Variants in CADM2 observed in about 807,000 individuals in gnomAD.
CADM2 encodes the protein immunoglobulin superfamily member 4D.
A neutral mutation model predicts 49.8 loss-of-function variants in CADM2; 12 were observed. That is an observed-to-expected ratio of 0.24 (90% CI 0.15 to 0.39). The LOEUF is 0.39. Among genes scored for constraint, CADM2 ranks in the 10% least tolerant of loss-of-function variants. CADM2 has a pLI of 1.00. For synonymous variants in CADM2, 214 were observed against 175.4 expected (o/e 1.22, Z -1.74); for missense variants, 378 against 492.3 (o/e 0.77, Z 2.20).
chr3:85,306,454 CT>C (rs1012144982), intron 1 of CADM2, among the ~76,000 whole-genome samples: 10 of 151,726 alleles, frequency 6.6e-5, no homozygotes, highest in African/African-American at 1.9e-4. Flanking sequence ...AGTTACATAG[CT>C]CAAAATTTGC....
intron 1 of CADM2, among the ~76,000 whole-genome samples, chr3:85,406,473 A>G (rs919846360): frequency 3.9e-5 from 6 of 152,196 alleles, no homozygotes; most frequent in Admixed American, 3.9e-4. Flanking sequence ...GGGAAAACTC[A>G]AAACCAAATT....
chr3:85,449,071 AATAATG>A (rs2037622224), intron 1 of CADM2, among the ~76,000 whole-genome samples: 1 of 148,054 alleles, frequency 6.8e-6, no homozygotes, highest in African/African-American at 2.4e-5. Context: ...TAATAATAAT[AATAATG>A]ATAAAAATTA....
At chr3:85,835,553 G>A (rs1054224561) in intron 3 of CADM2, among the ~76,000 whole-genome samples, 7 of 150,808 alleles carry the variant, frequency 4.6e-5, no homozygotes, top group Admixed American at 2.0e-4. Context: ...TTAGAGAACT[G>A]TAATGCCTTT....
chr3:85,127,618 T>G (rs2039079586), intron 1 of CADM2, among the ~76,000 whole-genome samples: 1 of 152,164 alleles, frequency 6.6e-6, no homozygotes, highest in African/African-American at 2.4e-5. Context: ...CAATGCTTTT[T>G]CCTTTTAAAA....
At chr3:85,285,193 A>G (rs566435202) in intron 1 of CADM2, among the ~76,000 whole-genome samples, 1 of 152,140 alleles carries the variant, frequency 6.6e-6, no homozygotes, top group Non-Finnish European at 1.5e-5. Flanking sequence ...TGAGATGCCT[A>G]TTCCACACCC....
chr3:85,611,233 C>T (rs1469184901), intron 1 of CADM2, among the ~76,000 whole-genome samples: 1 of 139,812 alleles, frequency 7.2e-6, no homozygotes, highest in African/African-American at 2.5e-5. Context: ...AATCATTAGT[C>T]ATGTATACTG....
In CADM2 at chr3:85,518,017, T is replaced by G. The variant is rs988223282; in HGVS notation, c.62-208505T>G. ...CACAATTCAGCTATGTTTTCTTTTT[T>G]TGTGTGTGTGACAGAGTCTCTCTCT... On this transcript the variant is annotated intron_variant, in intron 1 of 9. Transcript: ENST00000383699. Among the ~76,000 whole-genome samples the G allele has an allele frequency of 3.3e-5, 5 of 152,234 alleles. No homozygotes were observed. In the South Asian group the frequency reaches 6.2e-4, roughly 19 times the overall value.
intron 1 of CADM2, among the ~76,000 whole-genome samples, chr3:85,151,583 A>C (rs2039923785): frequency 6.6e-6 from 1 of 152,184 alleles, no homozygotes; most frequent in African/African-American, 2.4e-5. Context: ...ACCTTCAAAA[A>C]TCAACTTCTT....
At chr3:85,979,266 C>T (rs186223137) in intron 8 of CADM2, 1 of 1,610,318 alleles carries the variant, frequency 6.2e-7, no homozygotes, top group African/African-American at 1.3e-5. Context: ...ACATCTGCAA[C>T]AACCAGCAGC....
chr3:85,888,530 A>G (rs1187490591), intron 5 of CADM2, among the ~76,000 whole-genome samples: 3 of 152,082 alleles, frequency 2.0e-5, no homozygotes, highest in African/African-American at 7.2e-5. Flanking sequence ...TGAAGATCCC[A>G]TTTTTTCTAT....
At chr3:85,658,340 C>T (rs1014690966) in intron 1 of CADM2, among the ~76,000 whole-genome samples, 1 of 151,692 alleles carries the variant, frequency 6.6e-6, no homozygotes, top group Non-Finnish European at 1.5e-5. Context: ...ACAGGTTTTT[C>T]TTCACTTCAT....
intron 1 of CADM2, among the ~76,000 whole-genome samples, chr3:85,029,563 T>A (rs909284574): frequency 2.0e-5 from 3 of 152,210 alleles, no homozygotes; most frequent in African/African-American, 7.2e-5. Context: ...ATATTGGAGG[T>A]GGCCAAGGCC....
chr3:85,443,323 T>C (rs1006818141), intron 1 of CADM2, among the ~76,000 whole-genome samples: 2 of 152,170 alleles, frequency 1.3e-5, no homozygotes, highest in African/African-American at 4.8e-5. Flanking sequence ...GAAGAAATTA[T>C]AAGGAGACAA....
intron 1 of CADM2, among the ~76,000 whole-genome samples, chr3:85,138,303 G>C (rs1242060705): frequency 6.6e-6 from 1 of 152,116 alleles, no homozygotes; most frequent in South Asian, 2.1e-4. Flanking sequence ...AATGGGAAAG[G>C]TGCTGCCATT....
At chr3:85,420,788 T>C (rs922444690) in intron 1 of CADM2, among the ~76,000 whole-genome samples, 9 of 152,202 alleles carry the variant, frequency 5.9e-5, no homozygotes, top group African/African-American at 2.2e-4. Context: ...ACTCAGAATG[T>C]GATAAATAAG....
intron 1 of CADM2, among the ~76,000 whole-genome samples, chr3:85,168,006 A>G (rs745388475): frequency 6.6e-6 from 1 of 152,182 alleles, no homozygotes; most frequent in Non-Finnish European, 1.5e-5. Context: ...ACTAAGCTCA[A>G]GTGGTACCTA....
intron 1 of CADM2, among the ~76,000 whole-genome samples, chr3:84,977,275 T>C (rs543594896): frequency 6.6e-6 from 1 of 152,058 alleles, no homozygotes; most frequent in Non-Finnish European, 1.5e-5. Context: ...GTGAAAGAGA[T>C]TTACATATAA....
At position 85,908,045 on chromosome 3, in the gene CADM2, C is replaced by T. The variant is rs554674957; in HGVS notation, c.530-4328C>T. Among the ~76,000 whole-genome samples the T allele has an allele frequency of 2.6e-5, 4 of 152,098 alleles. No homozygotes were observed. In the South Asian group the frequency reaches 8.3e-4, roughly 31 times the overall value. On this transcript the variant is annotated intron_variant, in intron 5 of 9. Transcript: ENST00000383699. ...AGGCATATAAGCACCACTGTGGAGA[C>T]AAGGCAACTTCTCTAGGAACTTCAC...
At chr3:85,308,694 T>C (rs1043282473) in intron 1 of CADM2, among the ~76,000 whole-genome samples, 2 of 151,962 alleles carry the variant, frequency 1.3e-5, no homozygotes, top group Admixed American at 6.6e-5. Context: ...GCAGTGTATA[T>C]AGAAAGAGCT....
Sources: allele counts gnomAD v4.1 joint callset (sites outside exome capture counted in the v4.1 genomes callset), GRCh38; gene constraint gnomAD v4.1.1; transcripts MANE v1.5; gene names NCBI Gene and HGNC (gene_info 2026-07-23, HGNC 2026-07-21).